Variants in FBXO42 observed in about 807,000 individuals in gnomAD.
The protein encoded by FBXO42 is F-box only protein 42.
Under a neutral mutation model 71.7 loss-of-function variants are expected in FBXO42, and 12 were observed. That is an observed-to-expected ratio of 0.17 (90% CI 0.11 to 0.27). The LOEUF (loss-of-function observed/expected upper bound fraction) is 0.27. FBXO42 is among the 10% of genes least tolerant of loss of function. The probability of loss-of-function intolerance (pLI) is 1.00; values close to 1 mark genes in which losing one functional copy is unlikely to be tolerated. For synonymous variants in FBXO42, 325 were observed against 327.5 expected, an observed-to-expected ratio of 0.99 and a Z score of 0.08; for missense variants, 707 against 911.9, an observed-to-expected ratio of 0.78 and a Z score of 2.89.
intron 4 of FBXO42, among the ~76,000 whole-genome samples, chr1:16,262,680 C>T (rs997118632): frequency 1.3e-5 from 2 of 152,084 alleles, no homozygotes; most frequent in Non-Finnish European, 2.9e-5. Context: ...AGAGATTACG[C>T]GGATCCATCA....
At chr1:16,265,740 T>C (rs1171879836) in intron 4 of FBXO42, among the ~76,000 whole-genome samples, 1 of 149,572 alleles carries the variant, frequency 6.7e-6, no homozygotes, top group Non-Finnish European at 1.5e-5. Context: ...GAAGAGTTAA[T>C]CCCTTGTCCT....
intron 6 of FBXO42, among the ~76,000 whole-genome samples, chr1:16,254,923 GT>G (rs895099788): frequency 6.6e-6 from 1 of 152,092 alleles, no homozygotes; most frequent in African/African-American, 2.4e-5. Context: ...CATCCCATTT[GT>G]TTTTTTCTTT....
chr1:16,251,331 C>T lies in FBXO42; in HGVS notation c.1493G>A (p.Gly498Glu), dbSNP rs898454116. Residue 498 changes from glycine to glutamate, a missense_variant, in exon 10 of 10, where the codon GGA becomes GAA. This residue lies in a region of FBXO42 where 482 missense variants were observed against 587.1 expected (regional missense o/e 0.82). Coordinates refer to ENST00000375592, the MANE Select transcript of FBXO42 (RefSeq NM_018994.3). This position sits in a 1 kb window ranked among gnomAD's most constrained non-coding sequence, Gnocchi z 4.5. Reference protein sequence around the residue: ...SLPDQKDLRLGSIDLNWDLKP... With the variant: ...SLPDQKDLRLESIDLNWDLKP... The stretch of plus-strand genomic sequence containing the variant: ...CAGATCCCAATTCAGATCTATGGAT[C>T]CTAATCTCAGATCTTTCTGATCTGG... 1.9e-6 allele frequency: 3 copies of T among 1,614,070 alleles called. No individual in the cohort carries two copies. The highest frequency in any genetic ancestry group is 2.5e-6 in the Non-Finnish European group (3 of 1,180,046).
intron 1 of FBXO42, among the ~76,000 whole-genome samples, chr1:16,345,575 C>T (rs1278974165): frequency 5.3e-5 from 8 of 151,926 alleles, no homozygotes; most frequent in African/African-American, 1.5e-4. Context: ...AGTCGCCAGG[C>T]GCGGTGGCTC....
intron 1 of FBXO42, among the ~76,000 whole-genome samples, chr1:16,351,295 C>T (rs2082700581): frequency 6.6e-6 from 1 of 152,148 alleles, no homozygotes; most frequent in Non-Finnish European, 1.5e-5. Flanking sequence ...ATCGAAGTCT[C>T]CCAATTAGCA....
chr1:16,341,367 C>T (rs1049893553), intron 1 of FBXO42, among the ~76,000 whole-genome samples: 4 of 151,976 alleles, frequency 2.6e-5, no homozygotes, highest in Non-Finnish European at 5.9e-5. Context: ...TTTGGGAGGC[C>T]GAGGCGGGCA....
chr1:16,290,925 T>C (rs1226883477), intron 4 of FBXO42, among the ~76,000 whole-genome samples: 1 of 152,106 alleles, frequency 6.6e-6, no homozygotes, highest in African/African-American at 2.4e-5. Flanking sequence ...CACCAACCAA[T>C]AGGAGAATGC....
Position 16,252,375 on chromosome 1 carries a change from C to T in FBXO42, c.951G>A (p.Met317Ile). The change falls in exon 9 of 10, where the codon ATG becomes ATA. Residue 317 changes from methionine to isoleucine, a missense_variant. Transcript: ENST00000375592. This position sits in a 1 kb window ranked among gnomAD's most constrained non-coding sequence, Gnocchi z 4.4. ...GCTGCCAGGCCCAAGGACCAGAATG[C>T]ATGTGCAACAACCAAGCATCCTTGA... ...ALFKDAWLLH[M>I]HSGPWAWQPL... The T allele has an allele frequency of 6.2e-7, 1 of 1,614,130 alleles. No homozygotes were observed. Among genetic ancestry groups the T allele is most frequent in the Non-Finnish European group, 8.5e-7 (1 of 1,180,014 alleles).
chr1:16,318,282 G>A (rs1281802182), intron 1 of FBXO42, among the ~76,000 whole-genome samples: 1 of 152,074 alleles, frequency 6.6e-6, no homozygotes, highest in East Asian at 1.9e-4. Flanking sequence ...GTTGGGTGTG[G>A]TGGCACACAC....
At chr1:16,267,547 T>C (rs2081791585) in intron 4 of FBXO42, among the ~76,000 whole-genome samples, 1 of 152,160 alleles carries the variant, frequency 6.6e-6, no homozygotes, top group Non-Finnish European at 1.5e-5. Flanking sequence ...GAGATCAGGG[T>C]CGGCTCCAGC....
At chr1:16,334,350 G>A (rs1445017026) in intron 1 of FBXO42, among the ~76,000 whole-genome samples, 5 of 149,710 alleles carry the variant, frequency 3.3e-5, no homozygotes, top group South Asian at 2.1e-4. Context: ...GGAGAATGGC[G>A]TGAACCCGGG....
intron 1 of FBXO42, among the ~76,000 whole-genome samples, chr1:16,330,871 G>T (rs1052505027): frequency 6.6e-6 from 1 of 152,054 alleles, no homozygotes; most frequent in African/African-American, 2.4e-5. Context: ...TAACTCAAGA[G>T]GCGGAGGTTG....
intron 2 of FBXO42, among the ~76,000 whole-genome samples, chr1:16,311,506 AT>A (rs1298368419): frequency 2.3e-3 from 145 of 63,936 alleles, no homozygotes; most frequent in East Asian, 3.6e-3. Flanking sequence ...AAAAAAAAAT[AT>A]ATATATATAT....
chr1:16,346,709 A>T (rs1167959303), intron 1 of FBXO42, among the ~76,000 whole-genome samples: 1 of 150,402 alleles, frequency 6.6e-6, no homozygotes, highest in East Asian at 2.0e-4. Flanking sequence ...AAAAAAAACA[A>T]GAGAAAATAA....
chr1:16,271,258 G>GGTGTGTGTGTGTGTGTGTGTGTGTGTGT (rs57827739), intron 4 of FBXO42, among the ~76,000 whole-genome samples: 1 of 137,426 alleles, frequency 7.3e-6, no homozygotes, highest in African/African-American at 2.7e-5. Context: ...TGTGTGTGTT[G>GGTGTGTGTGTGTGTGTGTGTGTGTGTGT]GTGTGTGTGT....
intron 4 of FBXO42, among the ~76,000 whole-genome samples, chr1:16,268,634 C>T (rs1260609318): frequency 6.6e-6 from 1 of 152,056 alleles, no homozygotes; most frequent in Non-Finnish European, 1.5e-5. Flanking sequence ...TAAATAACAT[C>T]TTAACTCCTT....
In FBXO42 at chr1:16,251,783, C is replaced by G. The variant is rs370162132; in HGVS notation, c.1041G>C (p.Val347=). ...PELWCHPACR[V]GQCVVVFSQA... ...GGCTGAAGACCACCACACACTGTCC[C>G]ACCTGGAAGACAAAGGACCAGTGCT... The change falls in exon 10 of 10, where the codon GTG becomes GTC. Residue 347 remains valine (V), a splice_region_variant and synonymous_variant. Transcript: ENST00000375592. This position sits in a 1 kb window ranked among gnomAD's most constrained non-coding sequence, Gnocchi z 4.5. 4 of 1,610,616 alleles carry G rather than the reference C, an allele frequency of 2.5e-6. No individual in the cohort carries two copies. The highest frequency in any genetic ancestry group is 8.5e-7 in the Non-Finnish European group (1 of 1,178,022).
At chr1:16,322,393 T>C (rs1056054503) in intron 1 of FBXO42, among the ~76,000 whole-genome samples, 4 of 152,110 alleles carry the variant, frequency 2.6e-5, no homozygotes, top group African/African-American at 9.7e-5. Context: ...CTGACCAACA[T>C]GGGGAAACCC....
chr1:16,331,233 G>A (rs2100608831), intron 1 of FBXO42, among the ~76,000 whole-genome samples: 1 of 147,752 alleles, frequency 6.8e-6, no homozygotes, highest in South Asian at 2.1e-4. Context: ...CTAACACGGT[G>A]AAACCCCGTC....
Sources: gnomAD v4.1 joint callset for allele counts (sites outside exome capture counted in the v4.1 genomes callset) on GRCh38, gnomAD v4.1.1 for gene constraint, gnomAD v4.1.1 regional missense constraint, Gnocchi (gnomAD v3.1) non-coding constraint, MANE v1.5 for transcripts, NCBI Gene and HGNC (gene_info 2026-07-23, HGNC 2026-07-21) for gene names.